PTPRM: variants seen among roughly 807,000 people sequenced by gnomAD.
PTPRM encodes protein tyrosine phosphatase receptor type M, also known as receptor-type tyrosine-protein phosphatase mu.
In PTPRM, 47 loss-of-function variants were observed where a neutral mutation model predicts 186.7. The observed-to-expected ratio is 0.25, with a 90% CI of 0.20 to 0.32. The LOEUF (loss-of-function observed/expected upper bound fraction) is 0.32, where lower values mean the gene tolerates loss of function less well. PTPRM is among the 10% of genes least tolerant of loss of function. The pLI is 1.00. For synonymous variants in PTPRM, 668 were observed against 674.9 expected, an observed-to-expected ratio of 0.99 and a Z score of 0.16; for missense variants, 1,494 against 1,865.0, an observed-to-expected ratio of 0.80 and a Z score of 3.66.
At chr18:8,328,156 G>A (rs2095389918) in intron 22 of PTPRM, among the ~76,000 whole-genome samples, 2 of 152,120 alleles carry the variant, frequency 1.3e-5, no homozygotes, top group African/African-American at 2.4e-5. Context: ...GATAAATATG[G>A]TTTATATTTT....
chr18:8,387,282 A>C, intron 31 of PTPRM, 47 bp downstream of exon 31: 1 of 1,548,006 alleles, frequency 6.5e-7, no homozygotes, highest in South Asian at 1.2e-5. Context: ...GAGGCCCCAC[A>C]CTCACTCTCA....
chr18:7,767,288 T>C (rs2042056549), intron 1 of PTPRM, among the ~76,000 whole-genome samples: 1 of 152,240 alleles, frequency 6.6e-6, no homozygotes, highest in African/African-American at 2.4e-5. Context: ...AACAGAATGA[T>C]AAATATTTGT....
chr18:8,311,619 T>C (rs912430266), intron 20 of PTPRM, among the ~76,000 whole-genome samples: 5 of 152,154 alleles, frequency 3.3e-5, no homozygotes, highest in African/African-American at 1.2e-4. Context: ...AAAAAGATAC[T>C]ACCATGTATA....
chr18:7,846,147 G>A (rs2046582827), intron 2 of PTPRM, among the ~76,000 whole-genome samples: 1 of 152,092 alleles, frequency 6.6e-6, no homozygotes, highest in Non-Finnish European at 1.5e-5. Context: ...GCTGCAGCTG[G>A]GACCATAAGC....
At chr18:7,580,601 G>A (rs977201880) in intron 1 of PTPRM, among the ~76,000 whole-genome samples, 4 of 152,074 alleles carry the variant, frequency 2.6e-5, no homozygotes, top group African/African-American at 9.7e-5. Flanking sequence ...ACCATATATT[G>A]AGCACTAAGT....
At chr18:8,108,371 C>G (rs185068567) in intron 11 of PTPRM, among the ~76,000 whole-genome samples, 57 of 152,254 alleles carry the variant, frequency 3.7e-4, no homozygotes, top group African/African-American at 1.3e-3. Context: ...TTCTCCTTCT[C>G]TGTTCTCTTC....
chr18:7,984,984 T>C (rs2082817469), intron 7 of PTPRM, among the ~76,000 whole-genome samples: 2 of 125,436 alleles, frequency 1.6e-5, no homozygotes, highest in Admixed American at 1.7e-4. Flanking sequence ...TATATACATA[T>C]AATTATATAC....
At chr18:8,363,673 C>T (rs2095610541) in intron 23 of PTPRM, among the ~76,000 whole-genome samples, 1 of 152,120 alleles carries the variant, frequency 6.6e-6, no homozygotes. Flanking sequence ...TCAAGCTGAA[C>T]CTCTTGAATA....
At chr18:7,638,995 A>T (rs1299163764) in intron 1 of PTPRM, among the ~76,000 whole-genome samples, 1 of 152,158 alleles carries the variant, frequency 6.6e-6, no homozygotes, top group Admixed American at 6.5e-5. Context: ...TATTTCTCCA[A>T]AACTGTAGTG....
In PTPRM at chr18:7,692,819, T is replaced by G. The variant is rs78671299; in HGVS notation, c.74-81330T>G. Among the ~76,000 whole-genome samples the G allele has an allele frequency of 6.3e-4, 96 of 152,350 alleles. No individual in the cohort carries two copies. In the East Asian group the frequency reaches 0.017, roughly 27 times the overall value. ...TGATTGGAGAGAAATGCAGTGACTC[T>G]GGAAATGGCATTATTGTGATGTATA... On this transcript the variant is annotated intron_variant, in intron 1 of 32. Coordinates refer to ENST00000580170, the MANE Select transcript of PTPRM (RefSeq NM_001105244.2).
chr18:8,133,522 G>A (rs2092565051), intron 13 of PTPRM, among the ~76,000 whole-genome samples: 1 of 152,172 alleles, frequency 6.6e-6, no homozygotes, highest in African/African-American at 2.4e-5. Context: ...TGCTCTAGGA[G>A]TTCAGCAGGA....
intron 13 of PTPRM, among the ~76,000 whole-genome samples, chr18:8,121,564 A>G (rs950528366): frequency 2.0e-5 from 3 of 152,238 alleles, no homozygotes; most frequent in Non-Finnish European, 4.4e-5. Flanking sequence ...CTTTGTTCAC[A>G]TGTTAACCAT....
chr18:8,123,419 T>G (rs2092243012), intron 13 of PTPRM, among the ~76,000 whole-genome samples: 3 of 152,234 alleles, frequency 2.0e-5, no homozygotes, highest in Admixed American at 2.0e-4. Flanking sequence ...CTTATTATTT[T>G]GGACAGTAAA....
At chr18:8,100,209 G>A (rs1407209936) in intron 11 of PTPRM, among the ~76,000 whole-genome samples, 1 of 152,070 alleles carries the variant, frequency 6.6e-6, no homozygotes, top group African/African-American at 2.4e-5. Flanking sequence ...CGTGATCTCG[G>A]CTCACTGCAA....
intron 6 of PTPRM, among the ~76,000 whole-genome samples, chr18:7,950,577 G>C (rs1295244963): frequency 1.3e-5 from 2 of 152,146 alleles, no homozygotes; most frequent in African/African-American, 4.8e-5. Context: ...GTGTAAGGTA[G>C]ATATCAGATA....
intron 31 of PTPRM, among the ~76,000 whole-genome samples, chr18:8,394,144 G>T (rs2095833610): frequency 6.6e-6 from 1 of 152,124 alleles, no homozygotes; most frequent in Non-Finnish European, 1.5e-5. Context: ...ACCCGTACTT[G>T]TCACAGCAAT....
At chr18:7,610,808 T>C (rs2037653650) in intron 1 of PTPRM, among the ~76,000 whole-genome samples, 1 of 152,242 alleles carries the variant, frequency 6.6e-6, no homozygotes, top group Admixed American at 6.5e-5. Context: ...TGTATACTTT[T>C]AGATTGTTAT....
intron 11 of PTPRM, among the ~76,000 whole-genome samples, chr18:8,105,224 G>C (rs899406694): frequency 1.3e-5 from 2 of 152,144 alleles, no homozygotes; most frequent in African/African-American, 4.8e-5. Flanking sequence ...GCTACAGTGA[G>C]TGTTAGCAAA....
chr18:7,712,826 A>T (rs1222371541), intron 1 of PTPRM, among the ~76,000 whole-genome samples: 1 of 152,072 alleles, frequency 6.6e-6, no homozygotes, highest in Non-Finnish European at 1.5e-5. Context: ...GAGAAAAAAG[A>T]ATGAAAAGGA....
Sources: allele counts gnomAD v4.1 joint callset (sites outside exome capture counted in the v4.1 genomes callset), GRCh38; gene constraint gnomAD v4.1.1; transcripts MANE v1.5; gene names NCBI Gene and HGNC (gene_info 2026-07-23, HGNC 2026-07-21).